The following RALGAPA1 variants were observed in gnomAD, a reference collection of about 807,000 sequenced individuals.
The protein encoded by RALGAPA1 is ral GTPase-activating protein subunit alpha-1.
Under a neutral mutation model 269.6 loss-of-function variants are expected in RALGAPA1, and 52 were observed. The observed-to-expected ratio is 0.19, with a 90% CI of 0.15 to 0.24. The LOEUF (loss-of-function observed/expected upper bound fraction) is 0.24. RALGAPA1 is among the 10% of genes least tolerant of loss of function. The pLI, the probability that RALGAPA1 is intolerant of heterozygous loss-of-function variation, is 1.00. For synonymous variants in RALGAPA1, 817 were observed against 1,008.3 expected (o/e 0.81, Z 3.60); for missense variants, 1,917 against 3,013.9 (o/e 0.64, Z 8.52).
intron 16 of RALGAPA1, 79 bp from the exon 17 acceptor site, chr14:35,700,381 G>C (rs2067244789): frequency 1.7e-6 from 2 of 1,183,308 alleles, no homozygotes; most frequent in East Asian, 5.7e-5. Context: ...CACAGAAAAA[G>C]CAGCAACAGA....
chr14:35,661,892 C>A (rs2063559051), intron 27 of RALGAPA1, among the ~76,000 whole-genome samples: 1 of 151,554 alleles, frequency 6.6e-6, no homozygotes, highest in East Asian at 1.9e-4. Flanking sequence ...TGTAAACAAA[C>A]AATTAAAATA....
chr14:35,790,910 T>C (rs759853297), intron 1 of RALGAPA1, among the ~76,000 whole-genome samples: 2 of 152,156 alleles, frequency 1.3e-5, no homozygotes, highest in Non-Finnish European at 2.9e-5. Flanking sequence ...TCAAATACAG[T>C]GAACATGAGA....
intron 17 of RALGAPA1, among the ~76,000 whole-genome samples, chr14:35,695,167 A>G (rs1343665426): frequency 6.6e-6 from 1 of 152,112 alleles, no homozygotes; most frequent in East Asian, 1.9e-4. Context: ...CAGGAGTTCC[A>G]GGCTGCAGTA....
intron 1 of RALGAPA1, among the ~76,000 whole-genome samples, chr14:35,783,827 G>A (rs1341747365): frequency 6.6e-6 from 1 of 152,100 alleles, no homozygotes; most frequent in African/African-American, 2.4e-5. Flanking sequence ...AACATCATTA[G>A]CCATCAGGGA....
chr14:35,547,899 A>G (rs2054592422), intron 41 of RALGAPA1, among the ~76,000 whole-genome samples: 1 of 152,246 alleles, frequency 6.6e-6, no homozygotes, highest in East Asian at 1.9e-4. Context: ...CTAAATCTCA[A>G]TTGAGAATTA....
At chr14:35,790,491 C>T (rs1209373226) in intron 1 of RALGAPA1, among the ~76,000 whole-genome samples, 2 of 151,666 alleles carry the variant, frequency 1.3e-5, no homozygotes, top group East Asian at 1.9e-4. Flanking sequence ...AGTTTGTGAC[C>T]AGCCTGGCCA....
At chr14:35,739,004 C>A (rs1470560387) in intron 11 of RALGAPA1, among the ~76,000 whole-genome samples, 1 of 149,958 alleles carries the variant, frequency 6.7e-6, no homozygotes, top group Admixed American at 6.7e-5. Context: ...AAGATGAATT[C>A]TGTTCTAAAT....
intron 37 of RALGAPA1, among the ~76,000 whole-genome samples, chr14:35,575,375 T>C (rs1301365436): frequency 6.6e-6 from 1 of 152,210 alleles, no homozygotes; most frequent in East Asian, 1.9e-4. Flanking sequence ...CAGATGACTA[T>C]TATTACTTGA....
intron 33 of RALGAPA1, among the ~76,000 whole-genome samples, chr14:35,629,951 A>G (rs965952950): frequency 6.6e-6 from 1 of 151,916 alleles, no homozygotes; most frequent in Non-Finnish European, 1.5e-5. Flanking sequence ...ATTTTATGTA[A>G]ACTATACCTC....
At position 35,809,278 on chromosome 14, in the gene RALGAPA1, C is replaced by T. The variant is rs897034094; in HGVS notation, c.-443G>A. On this transcript the variant is annotated 5_prime_UTR_variant, in exon 1 of 42. Coordinates refer to ENST00000680220, the MANE Select transcript of RALGAPA1 (RefSeq NM_001346249.2). Reference sequence around the variant, plus strand: ...TTAGCAGCTTACACCCTGCAGAGGCCGAAACGGAGACGAGTGTGGTAGTGA... The same window carrying T: ...TTAGCAGCTTACACCCTGCAGAGGCTGAAACGGAGACGAGTGTGGTAGTGA... The T allele has an allele frequency of 2.1e-4, 33 of 159,710 alleles. No homozygotes were observed. The highest frequency in any genetic ancestry group is 2.0e-4 in the Admixed American group (3 of 15,366). The allele number at this position is 159,710 out of a possible 1,614,324, so 9.9% of individuals were successfully genotyped here. A position where few individuals can be genotyped will look rare whatever the true frequency, so the allele number is the denominator to read the frequency against.
intron 28 of RALGAPA1, 80 bp downstream of exon 28, chr14:35,659,058 G>T: frequency 1.1e-6 from 1 of 942,086 alleles, no homozygotes; most frequent in Non-Finnish European, 1.6e-6. Context: ...AAAACAATCT[G>T]GGCTGCTATA....
At chr14:35,731,185 G>GA (rs756552824) in intron 12 of RALGAPA1, among the ~76,000 whole-genome samples, 1 of 152,146 alleles carries the variant, frequency 6.6e-6, no homozygotes. Flanking sequence ...GGAAAAGGGG[G>GA]AGAGTACTAC....
At chr14:35,789,095 G>C (rs2075984953) in intron 1 of RALGAPA1, among the ~76,000 whole-genome samples, 1 of 152,144 alleles carries the variant, frequency 6.6e-6, no homozygotes, top group Non-Finnish European at 1.5e-5. Flanking sequence ...AGGGAAAGAT[G>C]CTCAGTGTAC....
intron 35 of RALGAPA1, among the ~76,000 whole-genome samples, chr14:35,620,074 G>C (rs1015066042): frequency 6.6e-6 from 1 of 151,934 alleles, no homozygotes; most frequent in African/African-American, 2.4e-5. Flanking sequence ...CAAAAAAAGA[G>C]AATATTACAT....
intron 37 of RALGAPA1, among the ~76,000 whole-genome samples, chr14:35,587,248 G>A (rs540264515): frequency 7.9e-5 from 12 of 152,244 alleles, no homozygotes; most frequent in South Asian, 2.1e-4. Context: ...GTTTATTTGC[G>A]TAGAGGTGTT....
chr14:35,568,884 T>A (rs2056932309), intron 39 of RALGAPA1, among the ~76,000 whole-genome samples: 1 of 152,222 alleles, frequency 6.6e-6, no homozygotes. Flanking sequence ...CGAAATTTCT[T>A]TTCAATTGAT....
chr14:35,576,100 C>T (rs2057542278), intron 37 of RALGAPA1, among the ~76,000 whole-genome samples: 1 of 152,146 alleles, frequency 6.6e-6, no homozygotes, highest in Non-Finnish European at 1.5e-5. Flanking sequence ...GCTCCTCTTA[C>T]AGTTTACAAA....
At chr14:35,665,535 T>G (rs1299957576) in intron 26 of RALGAPA1, among the ~76,000 whole-genome samples, 2 of 152,108 alleles carry the variant, frequency 1.3e-5, no homozygotes, top group Non-Finnish European at 1.5e-5. Flanking sequence ...TCACATAAAT[T>G]AAGAACCAAC....
chr14:35,787,292 T>C (rs2075863756), intron 1 of RALGAPA1, among the ~76,000 whole-genome samples: 2 of 152,228 alleles, frequency 1.3e-5, no homozygotes, highest in Admixed American at 1.3e-4. Context: ...CGGGTAATTA[T>C]TTTTATTAAA....
Sources: allele counts gnomAD v4.1 joint callset (sites outside exome capture counted in the v4.1 genomes callset), GRCh38; gene constraint gnomAD v4.1.1; transcripts MANE v1.5; gene names NCBI Gene and HGNC (gene_info 2026-07-23, HGNC 2026-07-21).